DIPK1C: variants seen among roughly 807,000 people sequenced by gnomAD.
DIPK1C encodes familial non-conventional Alzheimer's dementia.
Under a neutral mutation model 28.0 loss-of-function variants are expected in DIPK1C, and 33 were observed. The observed-to-expected ratio is 1.18, with a 90% CI of 0.89 to 1.58. The LOEUF (loss-of-function observed/expected upper bound fraction) is 1.58. Among genes scored for constraint, DIPK1C ranks in the 40% most tolerant of loss-of-function variants. The pLI is 0.00. For synonymous variants in DIPK1C, 255 were observed against 248.8 expected (o/e 1.02, Z -0.23); for missense variants, 569 against 568.5 (o/e 1.00, Z -0.01).
At position 74,436,728 on chromosome 18, in the gene DIPK1C, A is replaced by G; in HGVS notation, c.1042-9T>C. 1 of 1,605,574 alleles carries G rather than the reference A, an allele frequency of 6.2e-7. No individual in the cohort carries two copies. The highest frequency in any genetic ancestry group is 8.5e-7 in the Non-Finnish European group (1 of 1,175,558). ...ATTTTGTCACAGATGACCTGAGGGA[A>G]AGAAGGGTGGACAGTTAATTTAGGG... On this transcript the variant is annotated splice_polypyrimidine_tract_variant and intron_variant, in intron 3 of 3. Transcript: ENST00000343998.
chr18:74,443,950 G>A (rs1986203094), intron 2 of DIPK1C, among the ~76,000 whole-genome samples: 1 of 152,032 alleles, frequency 6.6e-6, no homozygotes, highest in Non-Finnish European at 1.5e-5. Context: ...CTCCCAGGGA[G>A]AGCCAGGTTT....
At chr18:74,442,169 A>T (rs1236754538) in intron 2 of DIPK1C, 53 bp from the exon 3 acceptor site, 2 of 1,599,774 alleles carry the variant, frequency 1.3e-6, no homozygotes, top group Non-Finnish European at 1.7e-6. Context: ...GGCTCTGCAG[A>T]GAGGGAGCCT....
intron 1 of DIPK1C, among the ~76,000 whole-genome samples, 155 bp downstream of exon 1, chr18:74,456,907 G>T (rs1986526364): frequency 6.6e-6 from 1 of 152,250 alleles, no homozygotes; most frequent in South Asian, 2.1e-4. Context: ...GGGGACCGGG[G>T]CGTGCGCCTC....
upstream of DIPK1C, among the ~76,000 whole-genome samples, chr18:74,458,940 C>CAAA (rs61690822): frequency 8.9e-5 from 11 of 123,356 alleles, no homozygotes; most frequent in African/African-American, 3.1e-4. Context: ...CCAACCTGGG[C>CAAA]AAAAAAAAAA....
chr18:74,438,986 C>G (rs999009124), intron 3 of DIPK1C, among the ~76,000 whole-genome samples: 1 of 152,224 alleles, frequency 6.6e-6, no homozygotes, highest in African/African-American at 2.4e-5. Context: ...GGGAATAAGG[C>G]CCCTTCCACC....
Position 74,446,900 on chromosome 18 carries a change from C to T in DIPK1C, c.582G>A (p.Glu194=), listed in dbSNP as rs1385639541. 14 of 1,514,604 alleles carry T rather than the reference C, an allele frequency of 9.2e-6. No homozygotes were observed. The highest frequency in any genetic ancestry group is 1.2e-5 in the Non-Finnish European group (14 of 1,126,308). The allele number at this position is 1,514,604 out of a possible 1,614,324, so 93.8% of individuals were successfully genotyped here. A position where few individuals can be genotyped will look rare whatever the true frequency, so the allele number is the denominator to read the frequency against. The part of the protein sequence containing the change: ...LASLWALLQQ[E]EYVYFSLLQD... ...GCAGCAGGCTGAAGTAGACGTACTC[C>T]TCCTGCTGCAGCAGGGCCCACAGGC... The change falls in exon 2 of 4, where the codon GAG becomes GAA. Residue 194 remains glutamate, a synonymous_variant. Transcript: ENST00000343998.
chr18:74,455,725 T>TAAAAAAAAAAAAAA (rs112246757), intron 1 of DIPK1C, among the ~76,000 whole-genome samples: 6 of 116,116 alleles, frequency 5.2e-5, no homozygotes, highest in East Asian at 2.6e-4. Context: ...CAAAACTCCA[T>TAAAAAAAAAAAAAA]AAAAAAAAAA....
intron 1 of DIPK1C, among the ~76,000 whole-genome samples, chr18:74,454,837 G>T (rs372838805): frequency 9.8e-5 from 14 of 142,506 alleles, no homozygotes; most frequent in Non-Finnish European, 3.1e-5. Flanking sequence ...TGTGGATCTC[G>T]CATCAACACA....
At chr18:74,461,408 C>G (rs564539457), upstream of DIPK1C, among the ~76,000 whole-genome samples, 6 of 135,556 alleles carry the variant, frequency 4.4e-5, no homozygotes, top group African/African-American at 1.7e-4. Context: ...TTCTCTTTCT[C>G]TTTTTTTTTT....
rs937352001 is a variant in DIPK1C at position 74,457,104 on chromosome 18, C to T, written c.156G>A (p.Glu52=). The change falls in exon 1 of 4, where the codon GAG becomes GAA. Residue 52 remains glutamate (E), a synonymous_variant. Transcript: ENST00000343998. The stretch of plus-strand genomic sequence containing the variant: ...GCCGGCTCTTCTCGTCGGTGCAGCG[C>T]TCGGAGAGGACACCCGGGTGCGCGC... The part of the protein sequence containing the change: ...LLRAHPGVLS[E]RCTDEKSRRI... 2.7e-6 allele frequency: 4 copies of T among 1,468,242 alleles called. No homozygotes were observed. In the Admixed American group the frequency reaches 9.9e-5, roughly 36 times the overall value. The allele number at this position is 1,468,242 out of a possible 1,614,324, so 91.0% of individuals were successfully genotyped here.
rs1298358443 is a variant in DIPK1C at position 74,454,429 on chromosome 18, CCCG to C, written c.198+2630_198+2632del. On this transcript the variant is annotated intron_variant, in intron 1 of 3. Coordinates refer to ENST00000343998, the MANE Select transcript of DIPK1C (RefSeq NM_001044369.3). ...CACCCCTGCCAGGCCAGCAACGCCC[CCCG>C]CCAGGCGAGAGCCTGGGAACACTGG... 5.3e-5 allele frequency among the ~76,000 whole-genome samples: 8 copies of C among 152,330 alleles called. No homozygotes were observed. In the East Asian group the frequency reaches 1.4e-3, roughly 26 times the overall value.
chr18:74,449,038 G>T (rs966034396), intron 1 of DIPK1C, among the ~76,000 whole-genome samples: 1 of 152,138 alleles, frequency 6.6e-6, no homozygotes, highest in Non-Finnish European at 1.5e-5. Flanking sequence ...GAAACCGGGA[G>T]GCGCAGGTTG....
chr18:74,446,684 A>G lies in DIPK1C; in HGVS notation c.798T>C (p.His266=). The G allele has an allele frequency of 6.5e-7, 1 of 1,529,614 alleles. No homozygotes were observed. The highest frequency in any genetic ancestry group is 8.8e-7 in the Non-Finnish European group (1 of 1,136,870). 94.8% of individuals were successfully genotyped at this position (1,529,614 alleles called of 1,614,324 possible). The change falls in exon 2 of 4, where the codon CAT becomes CAC. Residue 266 remains histidine, a synonymous_variant. Transcript: ENST00000343998. ...GGCGGTGGGAAAAGTCACTGTCAAA[A>G]TGGTTCACCATGTCCAAGAAGCTGA... ...IALSFLDMVN[H]FDSDFSHRLH... is the part of the protein sequence containing the mutation.
chr18:74,456,966 C>T (rs1290829837), intron 1 of DIPK1C, 96 bp downstream of exon 1: 4 of 1,234,386 alleles, frequency 3.2e-6, no homozygotes, highest in Non-Finnish European at 4.1e-6. Context: ...CGGGTGCCAC[C>T]GCCACCCAAG....
intron 2 of DIPK1C, among the ~76,000 whole-genome samples, chr18:74,445,982 C>T (rs1466972057): frequency 6.6e-6 from 1 of 152,238 alleles, no homozygotes; most frequent in African/African-American, 2.4e-5. Context: ...GCACACCTCC[C>T]TGTTCTCACG....
intron 3 of DIPK1C, among the ~76,000 whole-genome samples, chr18:74,440,145 C>T (rs1004970392): frequency 3.9e-5 from 6 of 152,012 alleles, no homozygotes; most frequent in South Asian, 2.1e-4. Context: ...GGGGTTTCAC[C>T]GTGTTAGCCA....
chr18:74,441,836 A>G (rs2144514745), intron 3 of DIPK1C, 116 bp downstream of exon 3: 1 of 1,153,072 alleles, frequency 8.7e-7, no homozygotes, highest in South Asian at 1.5e-5. Context: ...ACATCGATCC[A>G]GATGGATGGC....
Position 74,436,168 on chromosome 18 carries a change from C to G in DIPK1C, c.*333G>C. 1 of 320,928 alleles carries G rather than the reference C, an allele frequency of 3.1e-6. No homozygotes were observed. Among genetic ancestry groups the G allele is most frequent in the Non-Finnish European group, 5.8e-6 (1 of 172,896 alleles). 19.9% of individuals were successfully genotyped at this position (320,928 alleles called of 1,614,324 possible). ...CGTGGTAACGATTTACAGGAAAGAACAGCTGGAACTCGTGCTGGGATAACC... is the reference window on the plus strand; with the variant it reads ...CGTGGTAACGATTTACAGGAAAGAAGAGCTGGAACTCGTGCTGGGATAACC... On this transcript the variant is annotated 3_prime_UTR_variant, in exon 4 of 4. Coordinates refer to ENST00000343998, the MANE Select transcript of DIPK1C (RefSeq NM_001044369.3).
At chr18:74,451,350 A>G (rs955421997) in intron 1 of DIPK1C, among the ~76,000 whole-genome samples, 5 of 152,154 alleles carry the variant, frequency 3.3e-5, no homozygotes, top group African/African-American at 9.7e-5. Flanking sequence ...CGGCCTGGCC[A>G]AATCAACCTT....
Sources: allele counts gnomAD v4.1 joint callset (sites outside exome capture counted in the v4.1 genomes callset), GRCh38; gene constraint gnomAD v4.1.1; transcripts MANE v1.5; gene names NCBI Gene and HGNC (gene_info 2026-07-23, HGNC 2026-07-21).